Variants in CMYA5 observed in about 807,000 individuals in gnomAD.
CMYA5 encodes cardiomyopathy-associated protein 5.
A neutral mutation model predicts 318.9 loss-of-function variants in CMYA5; 246 were observed. The observed-to-expected ratio is 0.77, with a 90% CI of 0.70 to 0.86. The LOEUF (loss-of-function observed/expected upper bound fraction) is 0.86. Ranked by LOEUF, CMYA5 falls within the 40% of genes least tolerant of loss-of-function variation. The pLI, the probability that CMYA5 is intolerant of heterozygous loss-of-function variation, is 0.00. For synonymous variants in CMYA5, 1,641 were observed against 1,729.5 expected (o/e 0.95, Z 1.27); for missense variants, 4,589 against 4,678.2 (o/e 0.98, Z 0.56).
At position 79,758,602 on chromosome 5, in the gene CMYA5, G is replaced by T. The variant is rs1248478229; in HGVS notation, c.11111-151G>T. Reference sequence around the variant, plus strand: ...ATAAAAAATAAAAAAATATAATTGGGGTTGGGGGTTTGGGGGAACAAGAGA... The same window carrying T: ...ATAAAAAATAAAAAAATATAATTGGTGTTGGGGGTTTGGGGGAACAAGAGA... On this transcript the variant is annotated intron_variant, in intron 6 of 12. Transcript: ENST00000446378. 6.5e-5 allele frequency: 26 copies of T among 398,794 alleles called. 1 individual carries two copies. In the East Asian group the frequency reaches 7.8e-4, roughly 12 times the overall value. The allele number at this position is 398,794 out of a possible 1,614,324, so 24.7% of individuals were successfully genotyped here. A position where few individuals can be genotyped will look rare whatever the true frequency, so the allele number is the denominator to read the frequency against.
At position 79,735,373 on chromosome 5, in the gene CMYA5, A is replaced by T. The variant is rs1828032696; in HGVS notation, c.6608A>T (p.Glu2203Val). The T allele has an allele frequency of 6.2e-7, 1 of 1,613,866 alleles. No individual in the cohort carries two copies. Among genetic ancestry groups the T allele is most frequent in the Non-Finnish European group, 8.5e-7 (1 of 1,179,796 alleles). The stretch of plus-strand genomic sequence containing the variant: ...AAAGTTGCTGAACAAGAAGACTTAG[A>T]AACACAGCCAAGTCCATCCGTAGAA... ...DNKVAEQEDL[E>V]TQPSPSVEKA... The change falls in exon 2 of 13, where the codon GAA becomes GTA. Residue 2203 changes from glutamate (E) to valine (V), a missense_variant. Physicochemically the swap from Glu to Val is moderately radical, Grantham distance 121. Around this residue, in one of 3 missense-constraint regions of CMYA5, gnomAD observed 2,431 missense variants for 2,495.1 expected, o/e 0.97. Coordinates refer to ENST00000446378, the MANE Select transcript of CMYA5 (RefSeq NM_153610.5).
chr5:79,792,394 A>C (rs1462355869), intron 11 of CMYA5, among the ~76,000 whole-genome samples: 1 of 152,250 alleles, frequency 6.6e-6, no homozygotes, highest in Non-Finnish European at 1.5e-5. Flanking sequence ...CATCAAAAAG[A>C]AAATAAATAG....
chr5:79,703,248 A>T (rs1283118169), intron 1 of CMYA5, among the ~76,000 whole-genome samples: 1 of 152,254 alleles, frequency 6.6e-6, no homozygotes, highest in Non-Finnish European at 1.5e-5. Flanking sequence ...AAACTAGTTA[A>T]TATTTCCCAA....
At chr5:79,777,704 G>C (rs999939326) in intron 9 of CMYA5, among the ~76,000 whole-genome samples, 2 of 152,106 alleles carry the variant, frequency 1.3e-5, no homozygotes, top group African/African-American at 4.8e-5. Context: ...GAACTCAGGA[G>C]GCGGAGGTTT....
rs773408154 is a variant in CMYA5, at chr5:79,733,534, A to G, written c.4769A>G (p.Asp1590Gly). ...LAPTLLLLSD[D>G]KNKPAVEVSS... ...CCAACATTACTGCTCCTCAGTGATGATAAGAACAAACCGGCAGTGGAGGTA... is the reference window on the plus strand; with the variant it reads ...CCAACATTACTGCTCCTCAGTGATGGTAAGAACAAACCGGCAGTGGAGGTA... The change falls in exon 2 of 13, where the codon GAT (aspartate) becomes GGT (glycine). Residue 1590 changes from aspartate to glycine, a missense_variant. This residue lies in a region of CMYA5 where 2,132 missense variants were observed against 2,131.3 expected (regional missense o/e 1.00). Transcript: ENST00000446378. 1 of 1,613,952 alleles carries G rather than the reference A, an allele frequency of 6.2e-7. No homozygotes were observed. The highest frequency in any genetic ancestry group is 1.1e-5 in the South Asian group (1 of 91,074).
chr5:79,746,119 A>G (rs1220604560), intron 4 of CMYA5, among the ~76,000 whole-genome samples: 2 of 152,206 alleles, frequency 1.3e-5, no homozygotes, highest in African/African-American at 4.8e-5. Context: ...CTGGGTCTCC[A>G]TGAAGCCAGG....
intron 9 of CMYA5, among the ~76,000 whole-genome samples, chr5:79,771,068 G>GAAAAAAAA (rs200789494): frequency 1.0e-5 from 1 of 99,432 alleles, no homozygotes. Flanking sequence ...AGGGAGAGAG[G>GAAAAAAAA]AAAAAAAAAA....
At chr5:79,701,179 G>A (rs1348734526) in intron 1 of CMYA5, among the ~76,000 whole-genome samples, 1 of 151,936 alleles carries the variant, frequency 6.6e-6, no homozygotes, top group African/African-American at 2.4e-5. Flanking sequence ...AACCCAGCAG[G>A]TAGAGGTTGT....
At position 79,736,469 on chromosome 5, in the gene CMYA5, G is replaced by A; in HGVS notation, c.7704G>A (p.Met2568Ile). The change falls in exon 2 of 13, where the codon ATG (methionine) becomes ATA (isoleucine). Residue 2568 changes from methionine to isoleucine, a missense_variant. Coordinates refer to ENST00000446378, the MANE Select transcript of CMYA5 (RefSeq NM_153610.5). ...ATTCTGTGAATGTAGCCGAGTCTAT[G>A]AGTAGAGAATCAGATATCTCTTTAG... ...QPYSVNVAESMSRESDISLGH... is the reference protein window; with the variant it reads ...QPYSVNVAESISRESDISLGH... The A allele has an allele frequency of 6.2e-7, 1 of 1,610,530 alleles. No individual in the cohort carries two copies. The highest frequency in any genetic ancestry group is 8.5e-7 in the Non-Finnish European group (1 of 1,178,122).
intron 6 of CMYA5, among the ~76,000 whole-genome samples, chr5:79,755,974 CA>C (rs1315928469): frequency 1.3e-5 from 2 of 152,124 alleles, no homozygotes; most frequent in Admixed American, 1.3e-4. Flanking sequence ...GATACAGCTC[CA>C]TGTATAATTC....
chr5:79,699,214 G>C (rs1561626172), intron 1 of CMYA5, among the ~76,000 whole-genome samples: 1 of 152,248 alleles, frequency 6.6e-6, no homozygotes, highest in East Asian at 1.9e-4. Flanking sequence ...AATGGATGTT[G>C]AATGAATGAG....
At position 79,799,869 on chromosome 5, in the gene CMYA5, T is replaced by TACGG; in HGVS notation, c.*253_*254insACGG. On this transcript the variant is annotated 3_prime_UTR_variant, in exon 13 of 13. Transcript: ENST00000446378. ...ATATAAGTTTGAGTTCTTTCCTAAATTAAAAGATCTACACTTGAGTTGGGA... is the reference window on the plus strand; with the variant it reads ...ATATAAGTTTGAGTTCTTTCCTAAATACGGTAAAAGATCTACACTTGAGTTGGGA... 2 of 152,992 alleles carry TACGG rather than the reference T, an allele frequency of 1.3e-5. No homozygotes were observed. Among genetic ancestry groups the TACGG allele is most frequent in the Non-Finnish European group, 2.6e-5 (2 of 77,854 alleles). 9.5% of individuals were successfully genotyped at this position (152,992 alleles called of 1,614,324 possible).
rs185215382 is a variant in CMYA5 at position 79,731,647 on chromosome 5, C to T, written c.2882C>T (p.Ala961Val). 580 of 1,613,860 alleles carry T rather than the reference C, an allele frequency of 3.6e-4. 1 individual carries two copies. The highest frequency in any genetic ancestry group is 4.7e-4 in the Non-Finnish European group (549 of 1,179,810). The change falls in exon 2 of 13, where the codon GCA becomes GTA. Residue 961 changes from alanine (A) to valine (V), a missense_variant. Ala to Val is a moderately conservative substitution (Grantham distance 64). This residue lies in a region of CMYA5 where 2,132 missense variants were observed against 2,131.3 expected (regional missense o/e 1.00). Transcript: ENST00000446378. ...FVSEFSFPPY[A>V]TQEAEKREFE... ...TCAGAATTCTCATTTCCACCGTATG[C>T]AACCCAGGAAGCAGAGAAAAGAGAA... is the stretch of plus-strand genomic sequence containing the variant.
intron 10 of CMYA5, among the ~76,000 whole-genome samples, chr5:79,790,478 C>T (rs1188568313): frequency 3.9e-5 from 6 of 152,122 alleles, no homozygotes; most frequent in Non-Finnish European, 8.8e-5. Flanking sequence ...ACCATGTTGG[C>T]CAGGCTGGTC....
chr5:79,739,377 C>G lies in CMYA5; in HGVS notation c.10612C>G (p.Leu3538Val). 4.5e-6 allele frequency: 7 copies of G among 1,550,122 alleles called. No individual in the cohort carries two copies. The highest frequency in any genetic ancestry group is 6.1e-6 in the Non-Finnish European group (7 of 1,147,756). The change falls in exon 2 of 13, where the codon CTT becomes GTT. Residue 3538 changes from leucine (L) to valine (V), a missense_variant. This residue lies in a region of CMYA5 where 2,431 missense variants were observed against 2,495.1 expected (regional missense o/e 0.97). Transcript: ENST00000446378. ...GTHKDHEVST[L>V]DTAISAVKVQ... ...CCACAAAGACCATGAAGTTTCAACG[C>G]TTGACACAGCTATAAGTGCTGTAAA...
In CMYA5 at chr5:79,711,411, A is replaced by G. The variant is rs145536534; in HGVS notation, c.150-17504A>G. On this transcript the variant is annotated intron_variant, in intron 1 of 12. Coordinates refer to ENST00000446378, the MANE Select transcript of CMYA5 (RefSeq NM_153610.5). The stretch of plus-strand genomic sequence containing the variant: ...TAGCCACTAAAGGTGGTACAGAGAG[A>G]AAAAGAATGTAAACTACGTAGACAA... 3.1e-4 allele frequency among the ~76,000 whole-genome samples: 47 copies of G among 152,344 alleles called. No individual in the cohort carries two copies. In the East Asian group the frequency reaches 8.9e-3, roughly 29 times the overall value.
chr5:79,711,510 T>C (rs917308775), intron 1 of CMYA5, among the ~76,000 whole-genome samples: 1 of 152,228 alleles, frequency 6.6e-6, no homozygotes, highest in African/African-American at 2.4e-5. Flanking sequence ...ACTTTGTAAA[T>C]TATGTTCTTG....
In CMYA5 at chr5:79,747,124, C is replaced by T; in HGVS notation, c.10991+11C>T. ...GGAAATCAATGAAAGGTATATAAAA[C>T]ATGATACAATGTAGTGGCAAACAGC... On this transcript the variant is annotated intron_variant, in intron 5 of 12. Transcript: ENST00000446378. 1 of 1,541,538 alleles carries T rather than the reference C, an allele frequency of 6.5e-7. No homozygotes were observed. The highest frequency in any genetic ancestry group is 8.8e-7 in the Non-Finnish European group (1 of 1,141,118).
intron 6 of CMYA5, among the ~76,000 whole-genome samples, chr5:79,756,330 C>T (rs1209051348): frequency 6.6e-6 from 1 of 152,144 alleles, no homozygotes; most frequent in Non-Finnish European, 1.5e-5. Flanking sequence ...ATGGGTCCCT[C>T]CTTCAGCCCT....
Sources: allele counts gnomAD v4.1 joint callset (sites outside exome capture counted in the v4.1 genomes callset), GRCh38; gene constraint gnomAD v4.1.1; regional missense constraint gnomAD v4.1.1; transcripts MANE v1.5; gene names NCBI Gene and HGNC (gene_info 2026-07-23, HGNC 2026-07-21).